PTPRT: variants seen among roughly 807,000 people sequenced by gnomAD.
PTPRT encodes the protein protein tyrosine phosphatase receptor type T.
Under a neutral mutation model 176.8 loss-of-function variants are expected in PTPRT, and 56 were observed. The observed-to-expected ratio is 0.32, with a 90% CI of 0.26 to 0.40. The LOEUF (loss-of-function observed/expected upper bound fraction) is 0.40, where lower values mean the gene tolerates loss of function less well. Among genes scored for constraint, PTPRT ranks in the 10% least tolerant of loss-of-function variants. The pLI, the probability that PTPRT is intolerant of heterozygous loss-of-function variation, is 1.00. For synonymous variants in PTPRT, 783 were observed against 739.0 expected, an observed-to-expected ratio of 1.06 and a Z score of -0.96; for missense variants, 1,540 against 1,908.2, an observed-to-expected ratio of 0.81 and a Z score of 3.60.
At chr20:42,618,589 G>T (rs2074126408) in intron 7 of PTPRT, among the ~76,000 whole-genome samples, 1 of 128,868 alleles carries the variant, frequency 7.8e-6, no homozygotes, top group Non-Finnish European at 1.6e-5. Context: ...CTCTTTGTAG[G>T]TCACTCAGGA....
intron 4 of PTPRT, among the ~76,000 whole-genome samples, chr20:42,776,714 AAGC>A (rs2077140997): frequency 6.7e-6 from 1 of 149,532 alleles, no homozygotes; most frequent in Non-Finnish European, 1.5e-5. Context: ...ATAATTATAT[AAGC>A]ATATCATATA....
At chr20:43,178,113 T>C (rs773078465) in intron 1 of PTPRT, among the ~76,000 whole-genome samples, 14 of 152,230 alleles carry the variant, frequency 9.2e-5, no homozygotes, top group Non-Finnish European at 2.1e-4. Flanking sequence ...ATCTCACAAG[T>C]TGAAAACCAT....
At chr20:42,447,296 A>G (rs1479467894) in intron 9 of PTPRT, among the ~76,000 whole-genome samples, 1 of 152,090 alleles carries the variant, frequency 6.6e-6, no homozygotes, top group Non-Finnish European at 1.5e-5. Flanking sequence ...AGAAGTGATT[A>G]CCACCTTTAT....
At chr20:42,788,407 T>C (rs946820950) in intron 3 of PTPRT, among the ~76,000 whole-genome samples, 4 of 152,216 alleles carry the variant, frequency 2.6e-5, no homozygotes, top group African/African-American at 7.2e-5. Context: ...TTTTCTTCTC[T>C]TTCTCACTTC....
intron 17 of PTPRT, among the ~76,000 whole-genome samples, chr20:42,157,861 T>G (rs1031622359): frequency 6.6e-6 from 1 of 152,328 alleles, no homozygotes; most frequent in East Asian, 1.9e-4. Flanking sequence ...TGAGCCACCA[T>G]GGAAATCGTC....
At chr20:42,940,354 C>G (rs1980460779) in intron 1 of PTPRT, among the ~76,000 whole-genome samples, 1 of 152,194 alleles carries the variant, frequency 6.6e-6, no homozygotes, top group Admixed American at 6.5e-5. Flanking sequence ...AAAGAGCTCA[C>G]AAGCTCACTG....
the PTPRT span, among the ~76,000 whole-genome samples, chr20:42,051,713 C>T: frequency 6.6e-6 from 1 of 152,200 alleles, no homozygotes; most frequent in Admixed American, 6.5e-5. Flanking sequence ...TCTCAATCAC[C>T]ATCTACGTCA....
chr20:42,547,014 A>C (rs1323543830), intron 7 of PTPRT, among the ~76,000 whole-genome samples: 1 of 152,184 alleles, frequency 6.6e-6, no homozygotes, highest in Non-Finnish European at 1.5e-5. Flanking sequence ...ATGCTGTTAA[A>C]AAAAATAGTG....
At chr20:42,912,172 A>G (rs960712869) in intron 1 of PTPRT, among the ~76,000 whole-genome samples, 3 of 152,236 alleles carry the variant, frequency 2.0e-5, no homozygotes, top group East Asian at 1.9e-4. Context: ...ACTATCTGCA[A>G]TGTATAAGAC....
At chr20:42,736,981 A>G (rs62205400) in intron 6 of PTPRT, among the ~76,000 whole-genome samples, 5,991 of 152,306 alleles carry the variant, frequency 0.039, 170 homozygotes, top group South Asian at 0.072. Context: ...AAAACATACA[A>G]GAATAACCCA....
At chr20:42,247,288 C>T (rs2056469036) in intron 14 of PTPRT, among the ~76,000 whole-genome samples, 1 of 152,118 alleles carries the variant, frequency 6.6e-6, no homozygotes, top group Non-Finnish European at 1.5e-5. Context: ...CAAAGCAGAA[C>T]CAGGAGAAAG....
intron 7 of PTPRT, among the ~76,000 whole-genome samples, chr20:42,583,423 T>C (rs945587812): frequency 2.6e-5 from 4 of 152,286 alleles, no homozygotes; most frequent in African/African-American, 2.4e-5. Context: ...TAAACAGCCA[T>C]GCAAAAGTGT....
In PTPRT at chr20:42,551,685, C is replaced by A. The variant is rs970514982; in HGVS notation, c.1154-79123G>T. ...TTCTAGCTTGTTGACTTACGGTCTG[C>A]CCCTTGAACTCTCTGAGAAAACCTG... On this transcript the variant is annotated intron_variant, in intron 7 of 30. Coordinates refer to ENST00000373187, the MANE Select transcript of PTPRT (RefSeq NM_007050.6). Among the ~76,000 whole-genome samples the A allele has an allele frequency of 4.6e-5, 7 of 152,166 alleles. 1 individual carries two copies. Among genetic ancestry groups the A allele is most frequent in the Non-Finnish European group, 1.0e-4 (7 of 68,018 alleles).
chr20:42,303,375 T>A (rs1042618220), intron 12 of PTPRT, among the ~76,000 whole-genome samples: 1 of 152,176 alleles, frequency 6.6e-6, no homozygotes, highest in South Asian at 2.1e-4. Context: ...AGGCTGGCCA[T>A]GTTTGGCGGG....
At chr20:42,953,721 A>G (rs1264279483) in intron 1 of PTPRT, among the ~76,000 whole-genome samples, 1 of 152,140 alleles carries the variant, frequency 6.6e-6, no homozygotes, top group Non-Finnish European at 1.5e-5. Context: ...CCACCTTGCC[A>G]ATTTCTTAGT....
intron 7 of PTPRT, among the ~76,000 whole-genome samples, chr20:42,507,185 C>CTA (rs1555871754): frequency 6.6e-6 from 1 of 152,124 alleles, no homozygotes; most frequent in Non-Finnish European, 1.5e-5. Flanking sequence ...CTGAGAGGAC[C>CTA]TATAGGGCTA....
At chr20:42,212,504 C>T (rs2055667716) in intron 15 of PTPRT, among the ~76,000 whole-genome samples, 1 of 151,404 alleles carries the variant, frequency 6.6e-6, no homozygotes, top group Non-Finnish European at 1.5e-5. Context: ...TGTTTTCCCT[C>T]GTATCAGGAG....
chr20:43,108,012 T>C (rs2012692430), intron 1 of PTPRT, among the ~76,000 whole-genome samples: 1 of 152,186 alleles, frequency 6.6e-6, no homozygotes, highest in Non-Finnish European at 1.5e-5. Context: ...TTGCATAGTG[T>C]ATTTTTCAAA....
At chr20:42,854,301 A>C (rs2078525396) in intron 2 of PTPRT, among the ~76,000 whole-genome samples, 2 of 152,218 alleles carry the variant, frequency 1.3e-5, no homozygotes, top group South Asian at 4.1e-4. Context: ...AGGAATAAGG[A>C]ACTCTATCCT....
Sources: allele counts gnomAD v4.1 joint callset (sites outside exome capture counted in the v4.1 genomes callset), GRCh38; gene constraint gnomAD v4.1.1; transcripts MANE v1.5; gene names NCBI Gene and HGNC (gene_info 2026-07-23, HGNC 2026-07-21).